The following DCC variants were observed in gnomAD, a reference collection of about 807,000 sequenced individuals.
DCC encodes DCC netrin 1 receptor, also known as netrin receptor DCC.
In DCC, 58 loss-of-function variants were observed where a neutral mutation model predicts 172.5. The observed-to-expected ratio is 0.34, with a 90% CI of 0.27 to 0.42. The LOEUF is 0.42. Among genes scored for constraint, DCC ranks in the 10% least tolerant of loss-of-function variants. The pLI is 1.00. For synonymous variants in DCC, 709 were observed against 644.5 expected (o/e 1.10, Z -1.52); for missense variants, 1,740 against 1,791.0 (o/e 0.97, Z 0.51).
intron 15 of DCC, among the ~76,000 whole-genome samples, chr18:53,381,951 G>T (rs895367872): frequency 4.0e-5 from 6 of 151,844 alleles, no homozygotes; most frequent in African/African-American, 1.2e-4. Flanking sequence ...GACCTGAATA[G>T]TGGCTCCACT....
chr18:53,506,205 G>A (rs1368581311), intron 27 of DCC, among the ~76,000 whole-genome samples: 1 of 152,064 alleles, frequency 6.6e-6, no homozygotes, highest in African/African-American at 2.4e-5. Flanking sequence ...GGTTGAATTG[G>A]TCAGAATATA....
chr18:52,932,868 CTTA>C (rs2040328461), intron 5 of DCC, among the ~76,000 whole-genome samples: 1 of 151,470 alleles, frequency 6.6e-6, no homozygotes, highest in South Asian at 2.1e-4. Context: ...TCCCTTTAAA[CTTA>C]TTATTTTCTT....
chr18:52,741,290 T>C (rs2036818613), intron 1 of DCC, among the ~76,000 whole-genome samples: 1 of 152,194 alleles, frequency 6.6e-6, no homozygotes, highest in Admixed American at 6.5e-5. Context: ...TCTCATCATT[T>C]CTCACCTGAA....
chr18:52,409,984 C>A (rs1335182256), intron 1 of DCC, among the ~76,000 whole-genome samples: 1 of 152,128 alleles, frequency 6.6e-6, no homozygotes, highest in South Asian at 2.1e-4. Context: ...GTGAACACTG[C>A]TCTAACTGAC....
At chr18:52,654,332 C>A (rs1015951890) in intron 1 of DCC, among the ~76,000 whole-genome samples, 5 of 152,136 alleles carry the variant, frequency 3.3e-5, no homozygotes, top group Non-Finnish European at 5.9e-5. Context: ...AGACCATTAC[C>A]ATTGAACAAG....
At chr18:53,372,346 C>T (rs531455952) in intron 15 of DCC, among the ~76,000 whole-genome samples, 1 of 152,076 alleles carries the variant, frequency 6.6e-6, no homozygotes, top group Non-Finnish European at 1.5e-5. Flanking sequence ...TATCCTAAGC[C>T]ACTAACAGGA....
rs147758557 is a variant in DCC, at chr18:53,351,291, G to GTATATATATATA, written c.2359+11397_2359+11408dup. ...AGAAAAGATCTTCTCATTGAGTACA[G>GTATATATATATA]TATATATATATATATATATATATAC... is the stretch of plus-strand genomic sequence containing the variant. On this transcript the variant is annotated intron_variant, in intron 15 of 28. Coordinates refer to ENST00000442544, the MANE Select transcript of DCC (RefSeq NM_005215.4). 1.1e-3 allele frequency among the ~76,000 whole-genome samples: 37 copies of GTATATATATATA among 34,442 alleles called. 2 individuals are homozygous for GTATATATATATA. The highest frequency in any genetic ancestry group is 3.8e-3 in the East Asian group (6 of 1,574). The allele number at this position is 34,442 out of a possible 152,430, so 22.6% of individuals were successfully genotyped here. A position where few individuals can be genotyped will look rare whatever the true frequency, so the allele number is the denominator to read the frequency against.
At chr18:53,023,346 A>C (rs34221778) in intron 5 of DCC, among the ~76,000 whole-genome samples, 1 of 141,792 alleles carries the variant, frequency 7.1e-6, no homozygotes, top group African/African-American at 2.5e-5. Context: ...TAAAAAAAAA[A>C]CATAAAAAAA....
At chr18:52,494,444 T>C (rs780929985) in intron 1 of DCC, among the ~76,000 whole-genome samples, 17 of 152,070 alleles carry the variant, frequency 1.1e-4, no homozygotes, top group Non-Finnish European at 1.9e-4. Flanking sequence ...TTCTTTCTCC[T>C]AATAGTATTC....
At chr18:53,362,674 T>A (rs1225663850) in intron 15 of DCC, among the ~76,000 whole-genome samples, 1 of 152,166 alleles carries the variant, frequency 6.6e-6, no homozygotes. Flanking sequence ...TAGGCTATCA[T>A]CATCAACATT....
At chr18:53,442,930 G>A (rs192054134) in intron 22 of DCC, among the ~76,000 whole-genome samples, 1 of 152,326 alleles carries the variant, frequency 6.6e-6, no homozygotes. Flanking sequence ...GATTTATGGA[G>A]GTGAGAAGCT....
intron 2 of DCC, among the ~76,000 whole-genome samples, chr18:52,889,712 A>C (rs555666674): frequency 3.3e-4 from 50 of 152,128 alleles, no homozygotes; most frequent in Non-Finnish European, 5.7e-4. Context: ...TTAGGGTTGA[A>C]ATTATTATAA....
At chr18:53,298,607 A>G (rs1189781188) in intron 12 of DCC, among the ~76,000 whole-genome samples, 1 of 150,698 alleles carries the variant, frequency 6.6e-6, no homozygotes, top group African/African-American at 2.4e-5. Context: ...ATAATTGGAA[A>G]TTAAAAGGTT....
chr18:52,948,312 ATGTGTGTGTG>A (rs10566106), intron 5 of DCC, among the ~76,000 whole-genome samples: 1 of 150,072 alleles, frequency 6.7e-6, no homozygotes, highest in African/African-American at 2.5e-5. Context: ...CACAGTGTTG[ATGTGTGTGTG>A]TGTGTGTGTG....
At chr18:53,330,742 G>A (rs1004911867) in intron 14 of DCC, among the ~76,000 whole-genome samples, 6 of 152,096 alleles carry the variant, frequency 3.9e-5, no homozygotes, top group African/African-American at 1.4e-4. Flanking sequence ...TTACCCAAGT[G>A]TATTTTCACA....
At chr18:52,455,554 G>A (rs1988431196) in intron 1 of DCC, among the ~76,000 whole-genome samples, 1 of 152,122 alleles carries the variant, frequency 6.6e-6, no homozygotes, top group Non-Finnish European at 1.5e-5. Context: ...ATCAAATTTG[G>A]CCAGTGGCCT....
At chr18:53,025,892 A>G (rs7504389) in intron 5 of DCC, among the ~76,000 whole-genome samples, 114,052 of 151,298 alleles carry the variant, frequency 0.75, 43,347 homozygotes, top group African/African-American at 0.83. Flanking sequence ...AATAAATTAA[A>G]ATGTGGTGTA....
chr18:53,287,322 T>C (rs2056948027), intron 12 of DCC, among the ~76,000 whole-genome samples: 1 of 152,230 alleles, frequency 6.6e-6, no homozygotes, highest in African/African-American at 2.4e-5. Context: ...TTCATTCCTT[T>C]TGATGGCTAA....
chr18:52,689,463 A>T (rs1464381037), intron 1 of DCC, among the ~76,000 whole-genome samples: 1 of 152,112 alleles, frequency 6.6e-6, no homozygotes, highest in Non-Finnish European at 1.5e-5. Context: ...GGATAAATTG[A>T]CGCATCAGGT....
Sources: gnomAD v4.1 joint callset for allele counts (sites outside exome capture counted in the v4.1 genomes callset) on GRCh38, gnomAD v4.1.1 for gene constraint, MANE v1.5 for transcripts, NCBI Gene and HGNC (gene_info 2026-07-23, HGNC 2026-07-21) for gene names.